The following BBS2 variants were observed in gnomAD, a reference collection of about 807,000 sequenced individuals.
BBS2 encodes Bardet-Biedl syndrome 2.
A neutral mutation model predicts 83.0 loss-of-function variants in BBS2; 62 were observed. The ratio of observed to expected loss-of-function variants is 0.75; its 90% CI spans 0.61 to 0.92. The LOEUF is 0.92. Among genes scored for constraint, BBS2 ranks in the 40% least tolerant of loss-of-function variants. The probability of loss-of-function intolerance (pLI) is 0.00; values close to 1 mark genes in which losing one functional copy is unlikely to be tolerated. For missense variants in BBS2, 784 were observed against 901.0 expected, an observed-to-expected ratio of 0.87 and a Z score of 1.66; for synonymous variants, 303 against 326.1, an observed-to-expected ratio of 0.93 and a Z score of 0.76.
At chr16:56,472,906 A>C (rs1236325202) in intron 17 of BBS2, among the ~76,000 whole-genome samples, 1 of 151,292 alleles carries the variant, frequency 6.6e-6, no homozygotes. Flanking sequence ...CTTCCACCAA[A>C]GCAGTTTTGC....
intron 15 of BBS2, among the ~76,000 whole-genome samples, chr16:56,490,300 T>C (rs1448103950): frequency 6.6e-6 from 1 of 152,104 alleles, no homozygotes; most frequent in Non-Finnish European, 1.5e-5. Flanking sequence ...GGAAAACAGA[T>C]GAATTACTCT....
intron 17 of BBS2, chr16:56,470,836 AC>A (rs1471120279): frequency 6.8e-7 from 1 of 1,481,050 alleles, no homozygotes; most frequent in East Asian, 2.4e-5. Context: ...TTAACCATTC[AC>A]CATTCAAACA....
At chr16:56,501,884 TTGTC>T (rs1423554646) in intron 9 of BBS2, 1 of 358,842 alleles carries the variant, frequency 2.8e-6, no homozygotes, top group African/African-American at 2.1e-5. Flanking sequence ...GTTTTTACAG[TTGTC>T]TGTTTTTAAC....
In BBS2 at chr16:56,519,783, G is replaced by T; in HGVS notation, c.80C>A (p.Thr27Asn). ...GGTGGCGGCCGCCAGGCACGGGTGA[G>T]TCCCGTCGTAGCGCCCTATGGCCAC... is the stretch of plus-strand genomic sequence containing the variant. ...RMVAIGRYDG[T>N]HPCLAAATQT... The change falls in exon 1 of 17, where the codon ACT (threonine) becomes AAT (asparagine). Residue 27 changes from threonine to asparagine, a missense_variant. Thr to Asn is a moderately conservative substitution (Grantham distance 65, BLOSUM62 0). Transcript: ENST00000245157. 1 of 1,613,698 alleles carries T rather than the reference G, an allele frequency of 6.2e-7. No homozygotes were observed. The highest frequency in any genetic ancestry group is 8.5e-7 in the Non-Finnish European group (1 of 1,179,788).
chr16:56,491,270 T>TG (rs1337174482), intron 15 of BBS2, among the ~76,000 whole-genome samples: 1 of 152,124 alleles, frequency 6.6e-6, no homozygotes, highest in East Asian at 1.9e-4. Flanking sequence ...GTTTGGGTCA[T>TG]GGGGGCAGAT....
At position 56,501,037 on chromosome 16, in the gene BBS2, A is replaced by G; in HGVS notation, c.1226-12T>C. 1 of 1,614,096 alleles carries G rather than the reference A, an allele frequency of 6.2e-7. No homozygotes were observed. Among genetic ancestry groups the G allele is most frequent in the East Asian group, 2.2e-5 (1 of 44,886 alleles). ...TCGGATGATGGTGTCTGCAGGGAAGAGTAAAAACAGTTTAAGAACAACTCC... is the reference window on the plus strand; with the variant it reads ...TCGGATGATGGTGTCTGCAGGGAAGGGTAAAAACAGTTTAAGAACAACTCC... On this transcript the variant is annotated splice_polypyrimidine_tract_variant and intron_variant, in intron 10 of 16. Transcript: ENST00000245157.
In BBS2 at chr16:56,514,577, G is replaced by A; in HGVS notation, c.221C>T (p.Ala74Val). The part of the protein sequence containing the change: ...SDVSLLSINQ[A>V]VSCLTAGVLN... ...TACGCCTGCAGTCAGACAGCTGACTGCCTGGTTAATGCTGAGAAGAGAAAC... is the reference window on the plus strand; with the variant it reads ...TACGCCTGCAGTCAGACAGCTGACTACCTGGTTAATGCTGAGAAGAGAAAC... The change falls in exon 2 of 17, where the codon GCA (alanine) becomes GTA (valine). Residue 74 changes from alanine to valine, a missense_variant. Ala to Val is a moderately conservative substitution (Grantham distance 64). Transcript: ENST00000245157. The A allele has an allele frequency of 1.2e-6, 2 of 1,614,144 alleles. No individual in the cohort carries two copies. The highest frequency in any genetic ancestry group is 1.7e-6 in the Non-Finnish European group (2 of 1,179,976).
chr16:56,516,335 A>T (rs1489696244), intron 1 of BBS2, among the ~76,000 whole-genome samples: 1 of 152,174 alleles, frequency 6.6e-6, no homozygotes, highest in Non-Finnish European at 1.5e-5. Flanking sequence ...AAGCATTACC[A>T]TGAGAGAAAA....
Position 56,506,015 on chromosome 16 carries a change from T to C in BBS2, c.739A>G (p.Ile247Val). The change falls in exon 7 of 17, where the codon ATT becomes GTT. Residue 247 changes from isoleucine (I) to valine (V), a missense_variant. Transcript: ENST00000245157. The part of the protein sequence containing the change: ...RIKSKNHAMS[I>V]HAFDLNSDGV... ...TCAGAATTAAGGTCAAAAGCATGAATGCTCATGGCATGATTTTTCGACTGA... is the reference window on the plus strand; with the variant it reads ...TCAGAATTAAGGTCAAAAGCATGAACGCTCATGGCATGATTTTTCGACTGA... The C allele has an allele frequency of 1.9e-6, 3 of 1,614,072 alleles. No individual in the cohort carries two copies. Among genetic ancestry groups the C allele is most frequent in the Non-Finnish European group, 2.5e-6 (3 of 1,179,916 alleles).
In BBS2 at chr16:56,506,574, A is replaced by G. The variant is rs560972407; in HGVS notation, c.613-350T>C. ...AATATGCATATACAATAGATATTAT[A>G]TATGTTCACCCAAGAGGCTTTAATG... On this transcript the variant is annotated intron_variant, in intron 5 of 16. Transcript: ENST00000245157. Among the ~76,000 whole-genome samples the G allele has an allele frequency of 2.6e-5, 4 of 152,354 alleles. No individual in the cohort carries two copies. In the South Asian group the frequency reaches 8.3e-4, roughly 32 times the overall value.
At chr16:56,518,641 G>T (rs1457299269) in intron 1 of BBS2, among the ~76,000 whole-genome samples, 1 of 106,346 alleles carries the variant, frequency 9.4e-6, no homozygotes, top group African/African-American at 3.1e-5. Context: ...ACGACGCTGA[G>T]ATGACTCATG....
rs773014786 is a variant in BBS2 at position 56,476,063 on chromosome 16, A to G, written c.*1-5368T>C. The G allele has an allele frequency of 2.5e-6, 4 of 1,612,570 alleles. No homozygotes were observed. The African/African-American group carries it at 5.3e-5, about 22-fold the overall frequency. ...TTTCAGCTGCTAACAGTGAATCCAGAAAGCAATTCTTTGGCATTGGTCTAC... is the reference window on the plus strand; with the variant it reads ...TTTCAGCTGCTAACAGTGAATCCAGGAAGCAATTCTTTGGCATTGGTCTAC... On this transcript the variant is annotated intron_variant, in intron 17 of 17. Coordinates refer to the BBS2 transcript ENST00000682047.
downstream of BBS2, among the ~76,000 whole-genome samples, chr16:56,484,058 G>C (rs547397213): frequency 6.8e-6 from 1 of 146,952 alleles, no homozygotes; most frequent in South Asian, 2.1e-4. Flanking sequence ...CCAGACTGGA[G>C]TGCAGTGGTG....
intron 15 of BBS2, among the ~76,000 whole-genome samples, chr16:56,490,002 A>T (rs537868596): frequency 0.024 from 3,600 of 151,938 alleles, 70 homozygotes; most frequent in East Asian, 0.057. Context: ...CTGTAGTCCC[A>T]GCTACTCCAG....
intron 17 of BBS2, among the ~76,000 whole-genome samples, chr16:56,474,455 G>A (rs1309708974): frequency 6.6e-6 from 1 of 151,446 alleles, no homozygotes; most frequent in African/African-American, 2.4e-5. Flanking sequence ...CCGGGTAGCT[G>A]GATTACAGGC....
downstream of BBS2, among the ~76,000 whole-genome samples, chr16:56,480,352 C>CAAAAAAAAAAAAAA (rs1286219655): frequency 1.5e-3 from 114 of 76,324 alleles, 3 homozygotes; most frequent in African/African-American, 2.4e-3. Flanking sequence ...CACACACACA[C>CAAAAAAAAAAAAAA]AAAAAAAAAA....
At chr16:56,505,823 T>C (rs1841197385) in intron 7 of BBS2, 127 bp downstream of exon 7, 1 of 738,632 alleles carries the variant, frequency 1.4e-6, no homozygotes, top group South Asian at 1.5e-5. Flanking sequence ...TTAAGTTAAA[T>C]GTAAAAACAT....
intron 11 of BBS2, 90 bp from the exon 12 acceptor site, chr16:56,499,997 T>A (rs1597014379): frequency 6.7e-7 from 1 of 1,493,374 alleles, no homozygotes; most frequent in East Asian, 2.3e-5. Context: ...CACTTCTGGG[T>A]CATCAATTGA....
In BBS2 at chr16:56,485,668, G is replaced by T; in HGVS notation, c.1981C>A (p.Arg661Ser). 1.9e-6 allele frequency: 3 copies of T among 1,613,730 alleles called. No individual in the cohort carries two copies. The highest frequency in any genetic ancestry group is 1.7e-5 in the Admixed American group (1 of 60,016). Residue 661 changes from arginine to serine, a missense_variant, in exon 16 of 17, where the codon CGC (arginine) becomes AGC (serine). Coordinates refer to ENST00000245157, the MANE Select transcript of BBS2 (RefSeq NM_031885.5). ...NRDLLNGYKI[R>S]CNNHTELLGN... The stretch of plus-strand genomic sequence containing the variant: ...AACAGCTCTGTGTGATTGTTACAGC[G>T]AATTTTATATCCATTTAGCAAGTCT...
Sources: allele counts gnomAD v4.1 joint callset (sites outside exome capture counted in the v4.1 genomes callset), GRCh38; gene constraint gnomAD v4.1.1; transcripts MANE v1.5; gene names NCBI Gene and HGNC (gene_info 2026-07-23, HGNC 2026-07-21).